Variants in TOX2 observed in about 807,000 individuals in gnomAD.
TOX2 encodes the protein granulosa cell HMG box 1.
In TOX2, 15 loss-of-function variants were observed where a neutral mutation model predicts 47.4. That is an observed-to-expected ratio of 0.32 (90% CI 0.21 to 0.49). The LOEUF is 0.49. Among genes scored for constraint, TOX2 ranks in the 20% least tolerant of loss-of-function variants. TOX2 has a pLI of 0.99. For synonymous variants in TOX2, 290 were observed against 296.6 expected (o/e 0.98, Z 0.23); for missense variants, 622 against 673.1 (o/e 0.92, Z 0.84).
At chr20:44,014,157 GAA>G (rs2070832642) in intron 3 of TOX2, among the ~76,000 whole-genome samples, 2 of 133,260 alleles carry the variant, frequency 1.5e-5, no homozygotes, top group Admixed American at 1.5e-4. Context: ...AAAAAAAAAG[GAA>G]AAGAGAGATG....
chr20:44,000,082 A>C (rs956331162), intron 2 of TOX2, among the ~76,000 whole-genome samples: 1 of 152,150 alleles, frequency 6.6e-6, no homozygotes, highest in African/African-American at 2.4e-5. Context: ...GAACAAGGGG[A>C]ATAGGAGATG....
intron 1 of TOX2, among the ~76,000 whole-genome samples, chr20:43,935,961 G>A (rs1434435933): frequency 1.3e-5 from 2 of 150,850 alleles, no homozygotes; most frequent in East Asian, 1.9e-4. Context: ...AAGAAGCAGA[G>A]TGGATCGTGA....
At chr20:44,050,288 G>A (rs1444577302) in intron 3 of TOX2, among the ~76,000 whole-genome samples, 1 of 152,102 alleles carries the variant, frequency 6.6e-6, no homozygotes, top group Non-Finnish European at 1.5e-5. Flanking sequence ...TAAAGACAAA[G>A]AATTAGAAAA....
At chr20:43,933,596 G>A (rs2069283941) in intron 1 of TOX2, among the ~76,000 whole-genome samples, 1 of 152,196 alleles carries the variant, frequency 6.6e-6, no homozygotes, top group African/African-American at 2.4e-5. Flanking sequence ...GGTTTGGTGG[G>A]GAGTGATTGC....
At chr20:44,038,746 G>A (rs902109160) in intron 3 of TOX2, among the ~76,000 whole-genome samples, 1 of 152,100 alleles carries the variant, frequency 6.6e-6, no homozygotes, top group Non-Finnish European at 1.5e-5. Context: ...TCTGTGAATC[G>A]GCAGAAGGCG....
intron 1 of TOX2, among the ~76,000 whole-genome samples, chr20:43,972,871 A>T (rs372411079): frequency 6.6e-5 from 10 of 152,320 alleles, no homozygotes; most frequent in Admixed American, 3.3e-4. Context: ...CTGGGATGGC[A>T]TAGGTGATGG....
At chr20:44,036,196 C>A (rs367664532) in intron 3 of TOX2, among the ~76,000 whole-genome samples, 8 of 152,220 alleles carry the variant, frequency 5.3e-5, no homozygotes, top group Admixed American at 3.9e-4. Flanking sequence ...GGGGTCACAG[C>A]TGCACTGATT....
At chr20:44,044,776 G>T (rs973283763) in intron 3 of TOX2, among the ~76,000 whole-genome samples, 3 of 152,130 alleles carry the variant, frequency 2.0e-5, no homozygotes, top group Admixed American at 6.5e-5. Flanking sequence ...GGAATTCTGG[G>T]TGTCTACTCG....
At chr20:43,938,234 C>T (rs919212061) in intron 1 of TOX2, among the ~76,000 whole-genome samples, 2 of 152,102 alleles carry the variant, frequency 1.3e-5, no homozygotes, top group African/African-American at 4.8e-5. Context: ...GGACTGGCAG[C>T]CTGTCCCAGT....
chr20:44,064,748 C>G, intron 5 of TOX2, 29 bp from the exon 6 acceptor site: 4 of 1,608,844 alleles, frequency 2.5e-6, no homozygotes, highest in Non-Finnish European at 3.4e-6. Flanking sequence ...ACTTTCTCCC[C>G]AGTGTTGCTC....
At chr20:43,934,734 A>G (rs2069301905) in intron 1 of TOX2, among the ~76,000 whole-genome samples, 1 of 150,420 alleles carries the variant, frequency 6.6e-6, no homozygotes, top group Non-Finnish European at 1.5e-5. Flanking sequence ...TCCCATCCCA[A>G]CTCTGAGCCA....
chr20:43,969,513 G>C (rs899002723), intron 1 of TOX2, among the ~76,000 whole-genome samples: 1 of 152,220 alleles, frequency 6.6e-6, no homozygotes, highest in Admixed American at 6.5e-5. Context: ...GGGCTGCAGG[G>C]GTAAGCCCCA....
rs552939532 is a variant in TOX2, at chr20:43,982,193, C to T, written c.165+8761C>T. ...TGGCTGGGAGCAGAGGGTGTCTGCA[C>T]CTGAAGGTGTCAGTCTTCTCAGAGA... On this transcript the variant is annotated intron_variant, in intron 2 of 8. Transcript: ENST00000341197. 7.2e-5 allele frequency among the ~76,000 whole-genome samples: 11 copies of T among 151,956 alleles called. No individual in the cohort carries two copies. The South Asian group carries it at 2.3e-3, about 32-fold the overall frequency.
Position 44,068,544 on chromosome 20 carries a change from A to G in TOX2, c.1485-106A>G, listed in dbSNP as rs573123944. 8.6e-6 allele frequency: 10 copies of G among 1,157,350 alleles called. No homozygotes were observed. In the East Asian group the frequency reaches 2.5e-4, roughly 29 times the overall value. 71.7% of individuals were successfully genotyped at this position (1,157,350 alleles called of 1,614,324 possible). On this transcript the variant is annotated intron_variant, in intron 8 of 8. Transcript: ENST00000341197. The stretch of plus-strand genomic sequence containing the variant: ...GTCCCTCATTCAGCCACAGAGGGGC[A>G]GCTGAATCCAGGGGTGGGGGTGGGG...
intron 3 of TOX2, among the ~76,000 whole-genome samples, chr20:44,014,128 C>CAAAAAAAAAAAAAAA (rs55721806): frequency 1.9e-5 from 1 of 53,570 alleles, no homozygotes; most frequent in Non-Finnish European, 3.2e-5. Context: ...GAGACTATCT[C>CAAAAAAAAAAAAAAA]AAAAAAAAAA....
In TOX2 at chr20:44,051,347, G is replaced by T. The variant is rs374353889; in HGVS notation, c.453G>T (p.Ser151=). ...ACTCGGAAGTGGCTGCCTATGACTC[G>T]GGCCGGCCCGGGCCCCTGCTGGGTC... ...MVHSEVAAYD[S]GRPGPLLGRP... The change falls in exon 4 of 9, where the codon TCG becomes TCT. Residue 151 remains serine, a synonymous_variant. Transcript: ENST00000341197. 15 of 1,612,796 alleles carry T rather than the reference G, an allele frequency of 9.3e-6. No individual in the cohort carries two copies. Among genetic ancestry groups the T allele is most frequent in the Admixed American group, 3.3e-5 (2 of 59,944 alleles).
At chr20:43,936,130 T>A (rs1035093821) in intron 1 of TOX2, among the ~76,000 whole-genome samples, 2 of 152,064 alleles carry the variant, frequency 1.3e-5, no homozygotes, top group Non-Finnish European at 2.9e-5. Context: ...GTCTTGTCAT[T>A]CCCACTGGTA....
chr20:43,932,934 A>C (rs560677287), intron 1 of TOX2, among the ~76,000 whole-genome samples: 115 of 152,226 alleles, frequency 7.6e-4, no homozygotes, highest in Middle Eastern at 3.4e-3. Context: ...TTTGGGGAAC[A>C]TTTCCTGGCT....
At chr20:43,932,780 C>CACCG (rs1569008713) in intron 1 of TOX2, among the ~76,000 whole-genome samples, 2 of 140,064 alleles carry the variant, frequency 1.4e-5, no homozygotes, top group African/African-American at 6.1e-5. Flanking sequence ...TGCTGCCCCC[C>CACCG]CCCGCCATTT....
Sources: gnomAD v4.1 joint callset for allele counts (sites outside exome capture counted in the v4.1 genomes callset) on GRCh38, gnomAD v4.1.1 for gene constraint, MANE v1.5 for transcripts, NCBI Gene and HGNC (gene_info 2026-07-23, HGNC 2026-07-21) for gene names.